AKAP6: variants seen among roughly 807,000 people sequenced by gnomAD.
The protein encoded by AKAP6 is A-kinase anchoring protein 6.
AKAP6 carries 58 observed loss-of-function variants against 188.5 expected under a neutral mutation model. The observed-to-expected ratio is 0.31, with a 90% CI of 0.25 to 0.38. AKAP6 has a LOEUF of 0.38. Among genes scored for constraint, AKAP6 ranks in the 10% least tolerant of loss-of-function variants. The probability of loss-of-function intolerance (pLI) is 1.00; values close to 1 mark genes in which losing one functional copy is unlikely to be tolerated. For synonymous variants in AKAP6, 989 were observed against 998.6 expected (o/e 0.99, Z 0.18); for missense variants, 2,710 against 2,740.0 (o/e 0.99, Z 0.24).
At chr14:32,385,142 ACT>A (rs1307988284) in intron 1 of AKAP6, 1 of 40,526 alleles carries the variant, frequency 2.5e-5, no homozygotes, top group African/African-American at 5.4e-5. Flanking sequence ...GCCTCATGAC[ACT>A]CTGAAAAAAA....
Position 32,705,296 on chromosome 14 carries a change from T to C in AKAP6, c.3000+9186T>C, listed in dbSNP as rs1594865734. On this transcript the variant is annotated intron_variant, in intron 9 of 13. Transcript: ENST00000280979. ...CTGTGGGGAAGGCGCAGGAGAATGA[T>C]ATTGAATTAAATATCAATTTTAATA... is the stretch of plus-strand genomic sequence containing the variant. Among the ~76,000 whole-genome samples, 3 of 152,314 alleles carry C rather than the reference T, an allele frequency of 2.0e-5. No individual in the cohort carries two copies. The East Asian group carries it at 5.8e-4, about 29-fold the overall frequency.
chr14:32,585,906 G>T (rs1314529672), intron 5 of AKAP6, among the ~76,000 whole-genome samples: 1 of 152,154 alleles, frequency 6.6e-6, no homozygotes, highest in Non-Finnish European at 1.5e-5. Context: ...GAGTCTCACA[G>T]GTTGGGGCTG....
chr14:32,586,452 AC>A (rs1885254283), intron 5 of AKAP6, among the ~76,000 whole-genome samples: 1 of 151,992 alleles, frequency 6.6e-6, no homozygotes, highest in Admixed American at 6.6e-5. Flanking sequence ...ATATGGTGAA[AC>A]CTCGTCTCTA....
intron 11 of AKAP6, among the ~76,000 whole-genome samples, chr14:32,769,037 A>AGTTTTTTTTTTT (rs2032806334): frequency 1.8e-5 from 1 of 56,926 alleles, no homozygotes; most frequent in Non-Finnish European, 2.9e-5. Flanking sequence ...TGCTCTTTTG[A>AGTTTTTTTTTTT]TTTTTTTTTT....
At chr14:32,695,226 C>T (rs776735482) in intron 8 of AKAP6, among the ~76,000 whole-genome samples, 4 of 152,162 alleles carry the variant, frequency 2.6e-5, no homozygotes, top group African/African-American at 9.7e-5. Context: ...TTGTTTCCTA[C>T]GTGTCTGTGG....
intron 11 of AKAP6, among the ~76,000 whole-genome samples, chr14:32,757,867 T>C (rs2032397036): frequency 6.6e-6 from 1 of 152,092 alleles, no homozygotes. Context: ...AGGAAATTCC[T>C]GGAATAAGTG....
Position 32,822,788 on chromosome 14 carries a change from C to T in AKAP6, c.4975C>T (p.Leu1659Phe). ...KIKRSVSDITLQSSSQKMSFT... is the reference protein window; with the variant it reads ...KIKRSVSDITFQSSSQKMSFT... ...AAAACGAAGTGTTTCTGATATCACT[C>T]TTCAAAGCAGTTCCCAAAAGATGTC... Residue 1659 changes from leucine (L) to phenylalanine (F), a missense_variant, in exon 13 of 14, where the codon CTT (leucine) becomes TTT (phenylalanine). Physicochemically the swap from Leu to Phe is conservative, Grantham distance 22. Coordinates refer to ENST00000280979, the MANE Select transcript of AKAP6 (RefSeq NM_004274.5). 2 of 1,613,932 alleles carry T rather than the reference C, an allele frequency of 1.2e-6. No homozygotes were observed. Among genetic ancestry groups the T allele is most frequent in the Non-Finnish European group, 1.7e-6 (2 of 1,179,914 alleles).
At chr14:32,570,954 G>C (rs1884454182) in intron 4 of AKAP6, among the ~76,000 whole-genome samples, 1 of 152,134 alleles carries the variant, frequency 6.6e-6, no homozygotes, top group Non-Finnish European at 1.5e-5. Flanking sequence ...CTGGATTCAG[G>C]TACTGAGTTT....
chr14:32,413,181 T>C (rs1429024874), intron 1 of AKAP6, among the ~76,000 whole-genome samples: 3 of 139,018 alleles, frequency 2.2e-5, no homozygotes, highest in African/African-American at 7.6e-5. Flanking sequence ...TGAAATTTTT[T>C]TTTTTTTTTT....
chr14:32,654,539 C>T (rs1459151611), intron 7 of AKAP6, among the ~76,000 whole-genome samples: 1 of 151,936 alleles, frequency 6.6e-6, no homozygotes, highest in Admixed American at 6.6e-5. Context: ...TTAAAAGATA[C>T]CTTGTACACA....
intron 1 of AKAP6, among the ~76,000 whole-genome samples, chr14:32,349,752 C>T (rs1475759217): frequency 6.6e-6 from 1 of 152,168 alleles, no homozygotes; most frequent in Non-Finnish European, 1.5e-5. Context: ...GACCTTGGTG[C>T]TATACACCAT....
intron 2 of AKAP6, among the ~76,000 whole-genome samples, chr14:32,507,183 A>G (rs1880924095): frequency 6.6e-6 from 1 of 152,218 alleles, no homozygotes; most frequent in South Asian, 2.1e-4. Flanking sequence ...TTAGTCAGGT[A>G]ATTATAGCAT....
Position 32,522,684 on chromosome 14 carries a change from G to A in AKAP6, c.325-12870G>A, listed in dbSNP as rs575098753. On this transcript the variant is annotated intron_variant, in intron 2 of 13. Transcript: ENST00000280979. ...AGAATGGTGATCATTAAGAAGTCAGGAAACAACAGGTGCTGGAGAGGATGT... is the reference window on the plus strand; with the variant it reads ...AGAATGGTGATCATTAAGAAGTCAGAAAACAACAGGTGCTGGAGAGGATGT... Among the ~76,000 whole-genome samples, 143 of 152,266 alleles carry A rather than the reference G, an allele frequency of 9.4e-4. 2 individuals carry two copies. Among genetic ancestry groups the A allele is most frequent in the African/African-American group, 3.4e-3 (141 of 41,554 alleles).
chr14:32,346,931 C>G (rs1199491383), intron 1 of AKAP6, among the ~76,000 whole-genome samples: 2 of 152,098 alleles, frequency 1.3e-5, no homozygotes, highest in Non-Finnish European at 2.9e-5. Flanking sequence ...GGCTTGATAC[C>G]AAGCTGTAAT....
At chr14:32,431,419 C>T (rs1890221495) in intron 1 of AKAP6, among the ~76,000 whole-genome samples, 1 of 152,202 alleles carries the variant, frequency 6.6e-6, no homozygotes. Context: ...TTCTCTAAGG[C>T]AGGTATCAAA....
At chr14:32,503,332 G>A (rs542004361) in intron 2 of AKAP6, among the ~76,000 whole-genome samples, 1 of 152,106 alleles carries the variant, frequency 6.6e-6, no homozygotes, top group South Asian at 2.1e-4. Context: ...GATAAGCTGT[G>A]TGGTATAAGC....
intron 4 of AKAP6, among the ~76,000 whole-genome samples, chr14:32,552,451 GGA>G (rs796982586): frequency 2.6e-4 from 40 of 152,252 alleles, no homozygotes; most frequent in African/African-American, 9.6e-4. Context: ...TTAAATACAT[GGA>G]GAGAGAGAAA....
chr14:32,548,892 AT>A (rs892018431), intron 4 of AKAP6, among the ~76,000 whole-genome samples: 2 of 151,464 alleles, frequency 1.3e-5, no homozygotes, highest in South Asian at 2.1e-4. Context: ...ACTCCTCCTA[AT>A]TTTTTTTTGT....
intron 11 of AKAP6, among the ~76,000 whole-genome samples, chr14:32,771,814 CTT>C (rs1366450159): frequency 1.3e-5 from 2 of 152,140 alleles, no homozygotes; most frequent in East Asian, 1.9e-4. Flanking sequence ...AGAAACATCT[CTT>C]TTGATTTTTC....
Sources: gnomAD v4.1 joint callset for allele counts (sites outside exome capture counted in the v4.1 genomes callset) on GRCh38, gnomAD v4.1.1 for gene constraint, MANE v1.5 for transcripts, NCBI Gene and HGNC (gene_info 2026-07-23, HGNC 2026-07-21) for gene names.